The following MFHAS1 variants were observed in gnomAD, a reference collection of about 807,000 sequenced individuals.
MFHAS1 encodes the protein malignant fibrous histiocytoma-amplified sequence 1.
In MFHAS1, 50 loss-of-function variants were observed where a neutral mutation model predicts 70.4. The observed-to-expected ratio is 0.71, with a 90% CI of 0.57 to 0.90. MFHAS1 has a LOEUF of 0.90. Among genes scored for constraint, MFHAS1 ranks in the 40% least tolerant of loss-of-function variants. The pLI, the probability that MFHAS1 is intolerant of heterozygous loss-of-function variation, is 0.00. For synonymous variants in MFHAS1, 952 were observed against 620.0 expected (o/e 1.54, Z -7.96); for missense variants, 1,795 against 1,347.6 (o/e 1.33, Z -5.20).
rs370311497 is a variant in MFHAS1, at chr8:8,866,451, T to C, written c.2998+23610A>G. Among the ~76,000 whole-genome samples the C allele has an allele frequency of 9.9e-5, 15 of 152,208 alleles. No homozygotes were observed. In the East Asian group the frequency reaches 2.5e-3, roughly 25 times the overall value. On this transcript the variant is annotated intron_variant, in intron 1 of 2. Transcript: ENST00000276282. ...CTCCCACCTCAGCCTCCCCAACGGC[T>C]GCAACTACAGGCATGCACCACCACG...
At chr8:8,820,678 G>C (rs936582654) in intron 1 of MFHAS1, among the ~76,000 whole-genome samples, 2 of 152,110 alleles carry the variant, frequency 1.3e-5, no homozygotes, top group African/African-American at 4.8e-5. Flanking sequence ...GTCTTTCAGA[G>C]GCCCTCTCAC....
intron 1 of MFHAS1, among the ~76,000 whole-genome samples, chr8:8,824,388 T>G (rs1213286609): frequency 6.6e-6 from 1 of 152,028 alleles, no homozygotes; most frequent in Non-Finnish European, 1.5e-5. Flanking sequence ...CAGCCCTCAT[T>G]TAGCCTCAGA....
At chr8:8,876,676 C>G (rs1027465452) in intron 1 of MFHAS1, among the ~76,000 whole-genome samples, 5 of 151,862 alleles carry the variant, frequency 3.3e-5, no homozygotes, top group Admixed American at 6.6e-5. Context: ...CACACCTGGC[C>G]TATAAGTTTT....
chr8:8,823,375 G>A (rs1301365948), intron 1 of MFHAS1, among the ~76,000 whole-genome samples: 2 of 152,110 alleles, frequency 1.3e-5, no homozygotes, highest in African/African-American at 4.8e-5. Flanking sequence ...AAAGAGTAAG[G>A]AGCTGGACAC....
chr8:8,812,602 T>A (rs968125906), intron 1 of MFHAS1, among the ~76,000 whole-genome samples: 12 of 152,158 alleles, frequency 7.9e-5, no homozygotes, highest in African/African-American at 2.9e-4. Context: ...TTGACTGGGG[T>A]TTTTGCCCTA....
intron 1 of MFHAS1, among the ~76,000 whole-genome samples, chr8:8,848,953 A>G (rs1808136737): frequency 6.6e-6 from 1 of 151,294 alleles, no homozygotes; most frequent in Non-Finnish European, 1.5e-5. Context: ...ACACTATTAT[A>G]CTTACTTTTT....
chr8:8,844,102 G>A (rs1340909868), intron 1 of MFHAS1, among the ~76,000 whole-genome samples: 4 of 152,194 alleles, frequency 2.6e-5, no homozygotes. Context: ...TCTGAAGTCA[G>A]CAAGCCCAGA....
chr8:8,866,824 C>A (rs1369683313), intron 1 of MFHAS1, among the ~76,000 whole-genome samples: 1 of 152,208 alleles, frequency 6.6e-6, no homozygotes, highest in Non-Finnish European at 1.5e-5. Flanking sequence ...GTCTAACAAG[C>A]AATTACCTTG....
intron 1 of MFHAS1, among the ~76,000 whole-genome samples, chr8:8,799,551 T>A (rs780832664): frequency 4.6e-5 from 7 of 151,526 alleles, no homozygotes; most frequent in Non-Finnish European, 1.0e-4. Flanking sequence ...AGCCCAGGAG[T>A]TCAAGATCAG....
At chr8:8,803,610 A>C (rs1357461274) in intron 1 of MFHAS1, among the ~76,000 whole-genome samples, 2 of 150,516 alleles carry the variant, frequency 1.3e-5, no homozygotes, top group Non-Finnish European at 3.0e-5. Flanking sequence ...TAAACAAAAT[A>C]GTATAACAAC....
chr8:8,859,508 T>C (rs1439506589), intron 1 of MFHAS1, among the ~76,000 whole-genome samples: 1 of 152,104 alleles, frequency 6.6e-6, no homozygotes, highest in Non-Finnish European at 1.5e-5. Flanking sequence ...TATATGACAG[T>C]TTTCTTCCAC....
chr8:8,818,232 G>A (rs902572606), intron 1 of MFHAS1, among the ~76,000 whole-genome samples: 1 of 147,566 alleles, frequency 6.8e-6, no homozygotes, highest in Non-Finnish European at 1.5e-5. Flanking sequence ...GCCCTTTGTG[G>A]TTGAAGACAA....
chr8:8,821,175 C>T (rs1236405448), intron 1 of MFHAS1, among the ~76,000 whole-genome samples: 2 of 152,132 alleles, frequency 1.3e-5, no homozygotes, highest in African/African-American at 2.4e-5. Context: ...CAGGTGGAAA[C>T]GGAATGAACT....
At chr8:8,803,037 A>T (rs1806135981) in intron 1 of MFHAS1, among the ~76,000 whole-genome samples, 1 of 152,144 alleles carries the variant, frequency 6.6e-6, no homozygotes, top group African/African-American at 2.4e-5. Flanking sequence ...TCTACCACTA[A>T]GCCACATATA....
chr8:8,865,687 C>T (rs942796382), intron 1 of MFHAS1, among the ~76,000 whole-genome samples: 3 of 152,216 alleles, frequency 2.0e-5, no homozygotes, highest in African/African-American at 7.2e-5. Flanking sequence ...CCTATAACTT[C>T]TTTGAAATTT....
intron 1 of MFHAS1, among the ~76,000 whole-genome samples, chr8:8,797,745 C>A (rs972667230): frequency 3.3e-5 from 5 of 152,192 alleles, no homozygotes; most frequent in Admixed American, 1.3e-4. Flanking sequence ...TAGACAAAGA[C>A]AGCATCTGTC....
intron 1 of MFHAS1, among the ~76,000 whole-genome samples, chr8:8,848,248 T>C (rs1482958450): frequency 6.6e-6 from 1 of 152,182 alleles, no homozygotes; most frequent in Non-Finnish European, 1.5e-5. Flanking sequence ...CTTTAATCAT[T>C]TCTCCAACAT....
Position 8,891,026 on chromosome 8 carries a change from C to A in MFHAS1, c.2033G>T (p.Arg678Leu), listed in dbSNP as rs199638952. ...CGAGTCCCACCAGCTTAGCCACAGT[C>A]GCTGGGCCTGAGGTGGCTGGAAATG... ...ELHFQPPQAQ[R>L]LWLSWWDSAR... Residue 678 changes from arginine (R) to leucine (L), a missense_variant, in exon 1 of 3, where the codon CGA becomes CTA. Coordinates refer to ENST00000276282, the MANE Select transcript of MFHAS1 (RefSeq NM_004225.3). This position sits in a 1 kb window ranked among gnomAD's most constrained non-coding sequence, Gnocchi z 5.4. The A allele has an allele frequency of 4.3e-6, 7 of 1,613,630 alleles. No individual in the cohort carries two copies. The South Asian group carries it at 6.6e-5, about 15-fold the overall frequency.
chr8:8,875,069 G>A (rs1426049871), intron 1 of MFHAS1, among the ~76,000 whole-genome samples: 1 of 152,164 alleles, frequency 6.6e-6, no homozygotes, highest in Non-Finnish European at 1.5e-5. Flanking sequence ...AAACGGTAGT[G>A]CATTTTATAG....
Sources: allele counts gnomAD v4.1 joint callset (sites outside exome capture counted in the v4.1 genomes callset), GRCh38; gene constraint gnomAD v4.1.1; non-coding constraint Gnocchi (gnomAD v3.1); transcripts MANE v1.5; gene names NCBI Gene and HGNC (gene_info 2026-07-23, HGNC 2026-07-21).